PRMT7: variants seen among roughly 807,000 people sequenced by gnomAD.
The protein encoded by PRMT7 is protein arginine N-methyltransferase 7.
Under a neutral mutation model 85.4 loss-of-function variants are expected in PRMT7, and 75 were observed. That is an observed-to-expected ratio of 0.88 (90% CI 0.73 to 1.06). The LOEUF (loss-of-function observed/expected upper bound fraction) is 1.06, where lower values mean the gene tolerates loss of function less well. Ranked by LOEUF, PRMT7 falls within the 50% of genes least tolerant of loss-of-function variation. The pLI, the probability that PRMT7 is intolerant of heterozygous loss-of-function variation, is 0.00. For synonymous variants in PRMT7, 397 were observed against 359.5 expected (o/e 1.10, Z -1.18); for missense variants, 868 against 915.2 (o/e 0.95, Z 0.67).
At chr16:68,322,453 C>A in intron 4 of PRMT7, 1 of 447,052 alleles carries the variant, frequency 2.2e-6, no homozygotes, top group Admixed American at 2.4e-5. Flanking sequence ...CCGCCTTGGT[C>A]TCCCAAAGTG....
chr16:68,318,836 A>C (rs1359550377), intron 3 of PRMT7: 2 of 152,268 alleles, frequency 1.3e-5, no homozygotes, highest in Non-Finnish European at 2.9e-5. Context: ...TCAGGCCTGG[A>C]CGTTATTTTC....
chr16:68,343,129 G>A (rs945632159), intron 9 of PRMT7, among the ~76,000 whole-genome samples: 1 of 152,090 alleles, frequency 6.6e-6, no homozygotes, highest in African/African-American at 2.4e-5. Context: ...ACTTCAACCT[G>A]GGAGGTGGAG....
chr16:68,337,293 A>G (rs2084847142), intron 6 of PRMT7, among the ~76,000 whole-genome samples, 166 bp from the exon 7 acceptor site: 1 of 151,856 alleles, frequency 6.6e-6, no homozygotes, highest in Non-Finnish European at 1.5e-5. Flanking sequence ...TTTTTCCTGA[A>G]CCATTGGCAA....
At position 68,352,310 on chromosome 16, in the gene PRMT7, C is replaced by T; in HGVS notation, c.1476C>T (p.Tyr492=). The part of the protein sequence containing the change: ...TTSLLPWHNL[Y]FWYVRTAVDQ... Reference sequence around the variant, plus strand: ...GCCTGCTGCCGTGGCACAACCTCTACTTCTGGTACGTGCGGACCGCTGTGG... The same window carrying T: ...GCCTGCTGCCGTGGCACAACCTCTATTTCTGGTACGTGCGGACCGCTGTGG... The change falls in exon 15 of 19, where the codon TAC becomes TAT. Residue 492 remains tyrosine, a synonymous_variant. Coordinates refer to ENST00000441236, the MANE Select transcript of PRMT7 (RefSeq NM_019023.5). 1 of 1,613,602 alleles carries T rather than the reference C, an allele frequency of 6.2e-7. No individual in the cohort carries two copies. The highest frequency in any genetic ancestry group is 2.2e-5 in the East Asian group (1 of 44,880).
intron 15 of PRMT7, 95 bp from the exon 16 acceptor site, chr16:68,353,397 G>A (rs768939392): frequency 1.3e-6 from 2 of 1,587,354 alleles, no homozygotes; most frequent in African/African-American, 1.4e-5. Context: ...TCTTTCAGGT[G>A]TGCAGGGAAC....
At chr16:68,345,951 C>A in intron 10 of PRMT7, 149 bp downstream of exon 10, 1 of 1,350,798 alleles carries the variant, frequency 7.4e-7, no homozygotes, top group Non-Finnish European at 1.0e-6. Flanking sequence ...TGTGTCAGTG[C>A]CCATTCGTGT....
At chr16:68,337,934 C>T (rs1006820769) in intron 7 of PRMT7, among the ~76,000 whole-genome samples, 1 of 152,132 alleles carries the variant, frequency 6.6e-6, no homozygotes, top group Non-Finnish European at 1.5e-5. Flanking sequence ...GAGACTGAAT[C>T]GGTGCGGTGG....
At chr16:68,324,395 T>C (rs2082859998) in intron 4 of PRMT7, 1 of 423,058 alleles carries the variant, frequency 2.4e-6, no homozygotes, top group East Asian at 5.3e-5. Context: ...GTCCCCCTTT[T>C]GGCTGTACCT....
chr16:68,316,424 A>G (rs1052367825), intron 3 of PRMT7, among the ~76,000 whole-genome samples: 6 of 152,248 alleles, frequency 3.9e-5, no homozygotes, highest in African/African-American at 1.4e-4. Context: ...TTTGAATGAA[A>G]AAAATGAAAA....
chr16:68,311,343 GCCTCCCCTC>G, intron 1 of PRMT7: 2 of 299,174 alleles, frequency 6.7e-6, no homozygotes, highest in Non-Finnish European at 6.5e-6. Flanking sequence ...CGTGCCTGGC[GCCTCCCCTC>G]AGCCACAGAG....
chr16:68,311,247 G>A (rs899317450), intron 1 of PRMT7, 148 bp downstream of exon 1: 8 of 462,650 alleles, frequency 1.7e-5, no homozygotes, highest in Non-Finnish European at 2.8e-5. Flanking sequence ...GGACACCCGG[G>A]CCTGCAGGAG....
rs539028486 is a variant in PRMT7 at position 68,354,119 on chromosome 16, T to C, written c.1650+553T>C. On this transcript the variant is annotated intron_variant, in intron 16 of 18. Coordinates refer to ENST00000441236, the MANE Select transcript of PRMT7 (RefSeq NM_019023.5). ...TAAGGAAATGCACGTGGCTCCTGCT[T>C]GTCATCCCAGCACTCTGGGAACCTG... 5.3e-5 allele frequency among the ~76,000 whole-genome samples: 8 copies of C among 152,296 alleles called. No homozygotes were observed. The South Asian group carries it at 1.2e-3, about 24-fold the overall frequency.
intron 9 of PRMT7, among the ~76,000 whole-genome samples, chr16:68,345,029 T>C (rs1238421036): frequency 6.6e-6 from 1 of 151,666 alleles, no homozygotes; most frequent in African/African-American, 2.4e-5. Context: ...CACTTTACTT[T>C]TAAATACTTC....
chr16:68,327,929 CAA>C (rs573968363), intron 5 of PRMT7, among the ~76,000 whole-genome samples: 7 of 92,912 alleles, frequency 7.5e-5, no homozygotes, highest in Admixed American at 1.1e-4. Flanking sequence ...AGACCCTTCT[CAA>C]AAAAAAAAAA....
At chr16:68,334,746 C>G (rs548912937) in intron 6 of PRMT7, among the ~76,000 whole-genome samples, 2 of 152,078 alleles carry the variant, frequency 1.3e-5, no homozygotes, top group African/African-American at 4.8e-5. Flanking sequence ...ACCAGGCCCT[C>G]AAGAAGTACT....
At chr16:68,360,726 G>GTGTT (rs1228951294), downstream of PRMT7, 2 of 160,904 alleles carry the variant, frequency 1.2e-5, no homozygotes, top group Non-Finnish European at 2.7e-5. Context: ...GGTTCTGATT[G>GTGTT]TGTTTGGAGT....
intron 5 of PRMT7, chr16:68,328,128 T>C (rs1447433924): frequency 3.0e-6 from 1 of 329,212 alleles, no homozygotes; most frequent in Non-Finnish European, 6.6e-6. Context: ...CTGAAGCAGC[T>C]CCACTGTGAA....
At position 68,316,009 on chromosome 16, in the gene PRMT7, G is replaced by A. The variant is rs373967899; in HGVS notation, c.30G>A (p.Pro10=). The A allele has an allele frequency of 2.3e-5, 37 of 1,613,686 alleles. No homozygotes were observed. In the African/African-American group the frequency reaches 3.6e-4, roughly 16 times the overall value. MKIFCSRAN[P]TTGSVEWLEE... is the part of the protein sequence containing the mutation. ...AGATCTTCTGCAGTCGGGCCAATCC[G>A]ACCACGGGGTCTGTGGAGTGGCTGG... Residue 10 remains proline, a synonymous_variant, in exon 3 of 19, where the codon CCG becomes CCA. Transcript: ENST00000441236.
At chr16:68,324,967 A>T in intron 5 of PRMT7, 135 bp downstream of exon 5, 1 of 1,147,136 alleles carries the variant, frequency 8.7e-7, no homozygotes, top group Non-Finnish European at 1.2e-6. Flanking sequence ...CCAGGCTCTG[A>T]GCGTATAGAG....
Sources: gnomAD v4.1 joint callset for allele counts (sites outside exome capture counted in the v4.1 genomes callset) on GRCh38, gnomAD v4.1.1 for gene constraint, MANE v1.5 for transcripts, NCBI Gene and HGNC (gene_info 2026-07-23, HGNC 2026-07-21) for gene names.